Variants in MTA3 observed in about 807,000 individuals in gnomAD.
MTA3 encodes the protein metastasis associated 1 family member 3, also known as metastasis-associated protein MTA3.
Under a neutral mutation model 83.5 loss-of-function variants are expected in MTA3, and 34 were observed. The observed-to-expected ratio is 0.41, with a 90% CI of 0.31 to 0.54. MTA3 has a LOEUF of 0.54. MTA3 is among the 20% of genes least tolerant of loss of function. MTA3 has a pLI of 0.33. For synonymous variants in MTA3, 303 were observed against 252.7 expected, an observed-to-expected ratio of 1.20 and a Z score of -1.89; for missense variants, 761 against 726.4, an observed-to-expected ratio of 1.05 and a Z score of -0.55.
At chr2:42,686,505 A>G (rs939110941) in intron 9 of MTA3, among the ~76,000 whole-genome samples, 1 of 138,080 alleles carries the variant, frequency 7.2e-6, no homozygotes, top group African/African-American at 2.8e-5. Context: ...TGGGCAACAT[A>G]GTAGACTCTG....
intron 8 of MTA3, among the ~76,000 whole-genome samples, chr2:42,673,790 GT>G (rs1340931048): frequency 6.6e-5 from 10 of 152,180 alleles, no homozygotes; most frequent in Non-Finnish European, 1.0e-4. Flanking sequence ...TTGGATGCAG[GT>G]TGCTCCAGGA....
chr2:42,557,928 C>G (rs562594105), intron 2 of MTA3, among the ~76,000 whole-genome samples: 2 of 152,264 alleles, frequency 1.3e-5, no homozygotes, highest in South Asian at 4.1e-4. Flanking sequence ...CATTGGGTAT[C>G]TCAGGCCAAC....
At chr2:42,553,665 G>T (rs1351969412) in intron 2 of MTA3, among the ~76,000 whole-genome samples, 1 of 150,872 alleles carries the variant, frequency 6.6e-6, no homozygotes, top group Non-Finnish European at 1.5e-5. Context: ...AACCCAGGAG[G>T]TAGAGGTTGC....
chr2:42,550,863 G>A (rs1489694397), intron 2 of MTA3, among the ~76,000 whole-genome samples: 1 of 151,904 alleles, frequency 6.6e-6, no homozygotes, highest in Non-Finnish European at 1.5e-5. Context: ...CCAACATGGC[G>A]AAACCCCATC....
chr2:42,667,007 C>T (rs967837449), intron 8 of MTA3, among the ~76,000 whole-genome samples: 2 of 152,178 alleles, frequency 1.3e-5, no homozygotes, highest in African/African-American at 4.8e-5. Flanking sequence ...ATCCCCAGAG[C>T]TGTACACACA....
chr2:42,527,163 T>G (rs901883639), intron 2 of MTA3, among the ~76,000 whole-genome samples: 1 of 151,900 alleles, frequency 6.6e-6, no homozygotes, highest in African/African-American at 2.4e-5. Flanking sequence ...TTGGGACTTT[T>G]GGAGCTCACC....
intron 14 of MTA3, among the ~76,000 whole-genome samples, chr2:42,713,787 A>G (rs1666816899): frequency 6.6e-6 from 1 of 152,092 alleles, no homozygotes; most frequent in African/African-American, 2.4e-5. Context: ...TGCATAATCT[A>G]TTTTGTTGTA....
intron 14 of MTA3, among the ~76,000 whole-genome samples, chr2:42,709,753 T>A (rs1335378180): frequency 6.6e-6 from 1 of 152,228 alleles, no homozygotes; most frequent in East Asian, 1.9e-4. Context: ...TCTAAACATA[T>A]GGTTGAGCAG....
chr2:42,586,371 G>A (rs1421835730), intron 3 of MTA3, among the ~76,000 whole-genome samples: 4 of 149,466 alleles, frequency 2.7e-5, no homozygotes, highest in Non-Finnish European at 5.9e-5. Flanking sequence ...GACCACTTGA[G>A]TCCAGGAGTT....
intron 4 of MTA3, among the ~76,000 whole-genome samples, chr2:42,637,726 CTTA>C (rs535313943): frequency 4.1e-4 from 62 of 152,188 alleles, no homozygotes; most frequent in African/African-American, 1.5e-3. Flanking sequence ...ACTTAGATCA[CTTA>C]TTATCCTTTC....
At chr2:42,725,301 A>G (rs374489022) in intron 16 of MTA3, among the ~76,000 whole-genome samples, 11 of 152,224 alleles carry the variant, frequency 7.2e-5, no homozygotes, top group Admixed American at 5.9e-4. Context: ...TAAATTTTCC[A>G]AAGTTACCAG....
At chr2:42,543,833 A>T (rs572622065) in intron 2 of MTA3, among the ~76,000 whole-genome samples, 1 of 151,918 alleles carries the variant, frequency 6.6e-6, no homozygotes, top group African/African-American at 2.4e-5. Context: ...TACATACATT[A>T]AAAAATATAT....
chr2:42,543,891 A>G (rs1024739900), intron 2 of MTA3, among the ~76,000 whole-genome samples: 2 of 152,074 alleles, frequency 1.3e-5, no homozygotes, highest in African/African-American at 4.8e-5. Context: ...GGGTCTCACT[A>G]TATTGCCTAG....
rs2104289895 is a variant in MTA3 at position 42,638,033 on chromosome 2, A to G, written c.318-2140A>G. On this transcript the variant is annotated intron_variant, in intron 4 of 16. Transcript: ENST00000405094. ...TTTTCTTCTCCACTATCACTGTTTCAGTTGACTAGCCTTAAAAAAAAGTAC... is the reference window on the plus strand; with the variant it reads ...TTTTCTTCTCCACTATCACTGTTTCGGTTGACTAGCCTTAAAAAAAAGTAC... Among the ~76,000 whole-genome samples, 2 of 152,206 alleles carry G rather than the reference A, an allele frequency of 1.3e-5. 1 individual carries two copies. The highest frequency in any genetic ancestry group is 4.1e-4 in the South Asian group (2 of 4,820).
intron 2 of MTA3, among the ~76,000 whole-genome samples, chr2:42,540,420 T>C (rs1676467364): frequency 6.6e-6 from 1 of 151,812 alleles, no homozygotes; most frequent in Non-Finnish European, 1.5e-5. Context: ...GCAATCCTCC[T>C]GCCTTGGCCT....
At chr2:42,598,738 T>C (rs1189277693) in intron 3 of MTA3, among the ~76,000 whole-genome samples, 1 of 152,208 alleles carries the variant, frequency 6.6e-6, no homozygotes, top group Non-Finnish European at 1.5e-5. Flanking sequence ...TAATACTTTC[T>C]ACCTTATTAC....
In MTA3 at chr2:42,626,734, C is replaced by A. The variant is rs567008257; in HGVS notation, c.318-13439C>A. 1.2e-4 allele frequency among the ~76,000 whole-genome samples: 18 copies of A among 152,026 alleles called. No individual in the cohort carries two copies. The South Asian group carries it at 1.5e-3, about 12-fold the overall frequency. On this transcript the variant is annotated intron_variant, in intron 4 of 16. Coordinates refer to ENST00000405094, the MANE Select transcript of MTA3 (RefSeq NM_001330442.2). ...GTTCCATTTTTCCTAGTATTAGCTC[C>A]TTTTTTTTAAATTTAATTTTTTTTT...
intron 9 of MTA3, among the ~76,000 whole-genome samples, chr2:42,686,005 C>G (rs945120698): frequency 6.6e-6 from 1 of 152,150 alleles, no homozygotes; most frequent in Non-Finnish European, 1.5e-5. Flanking sequence ...TAGAAACTGT[C>G]AGGTAGTGTA....
At chr2:42,543,483 C>A (rs1055738717) in intron 2 of MTA3, among the ~76,000 whole-genome samples, 17 of 150,968 alleles carry the variant, frequency 1.1e-4, no homozygotes, top group Middle Eastern at 3.4e-3. Context: ...GCCAACAGTT[C>A]TTTTTATGTT....
Sources: allele counts gnomAD v4.1 joint callset (sites outside exome capture counted in the v4.1 genomes callset), GRCh38; gene constraint gnomAD v4.1.1; transcripts MANE v1.5; gene names NCBI Gene and HGNC (gene_info 2026-07-23, HGNC 2026-07-21).